Variants in TTYH1 observed in about 807,000 individuals in gnomAD.
The protein encoded by TTYH1 is tweety family member 1, also known as protein tweety homolog 1.
TTYH1 carries 33 observed loss-of-function variants against 61.2 expected under a neutral mutation model. The ratio of observed to expected loss-of-function variants is 0.54; its 90% CI spans 0.41 to 0.72. The LOEUF is 0.72. Ranked by LOEUF, TTYH1 falls within the 30% of genes least tolerant of loss-of-function variation. The probability of loss-of-function intolerance (pLI) is 0.00; values close to 1 mark genes in which losing one functional copy is unlikely to be tolerated. For missense variants in TTYH1, 538 were observed against 575.8 expected (o/e 0.93, Z 0.67); for synonymous variants, 308 against 266.4 (o/e 1.16, Z -1.52).
At chr19:54,424,735 C>A (rs950723682) in intron 4 of TTYH1, among the ~76,000 whole-genome samples, 6 of 152,188 alleles carry the variant, frequency 3.9e-5, no homozygotes, top group Non-Finnish European at 8.8e-5. Context: ...AAATCAGGGG[C>A]CTCCAAGGGA....
At position 54,416,651 on chromosome 19, in the gene TTYH1, A is replaced by C; in HGVS notation, c.126+973A>C. ...GCTCAGGGGGCGTGGAGGGGGTCCC[A>C]GAAAAGCGCGGAGGGGATGAGTGCT... On this transcript the variant is annotated intron_variant, in intron 1 of 13. Coordinates refer to ENST00000376530, the MANE Select transcript of TTYH1 (RefSeq NM_020659.4). The surrounding 1 kb of genome is among the most constrained non-coding windows in gnomAD (Gnocchi z 7.0). The C allele has an allele frequency of 1.1e-6, 1 of 944,306 alleles. No individual in the cohort carries two copies. The highest frequency in any genetic ancestry group is 1.4e-6 in the Non-Finnish European group (1 of 704,602). The allele number at this position is 944,306 out of a possible 1,614,324, so 58.5% of individuals were successfully genotyped here. A position where few individuals can be genotyped will look rare whatever the true frequency, so the allele number is the denominator to read the frequency against.
intron 1 of TTYH1, among the ~76,000 whole-genome samples, chr19:54,417,483 T>C (rs565157627): frequency 1.3e-4 from 20 of 151,958 alleles, no homozygotes; most frequent in South Asian, 4.1e-4. Context: ...CACACGCATA[T>C]AGACACATGC....
intron 4 of TTYH1, among the ~76,000 whole-genome samples, chr19:54,425,715 T>A (rs1003152918): frequency 1.4e-5 from 2 of 146,524 alleles, no homozygotes; most frequent in African/African-American, 5.3e-5. Context: ...GGATTAACTT[T>A]TTTTTTTTTT....
Position 54,416,879 on chromosome 19 carries a change from T to C in TTYH1, c.126+1201T>C, listed in dbSNP as rs1273859525. ...TCACGCCCGCTCTGGCCCGGAGACC[T>C]CCCGAAGCCGCACGCGGGGATCCGC... On this transcript the variant is annotated intron_variant, in intron 1 of 13. Coordinates refer to ENST00000376530, the MANE Select transcript of TTYH1 (RefSeq NM_020659.4). This position sits in a 1 kb window ranked among gnomAD's most constrained non-coding sequence, Gnocchi z 7.0. The C allele has an allele frequency of 1.6e-6, 2 of 1,289,580 alleles. No individual in the cohort carries two copies. The highest frequency in any genetic ancestry group is 2.5e-5 in the South Asian group (2 of 80,900). 79.9% of individuals were successfully genotyped at this position (1,289,580 alleles called of 1,614,324 possible). A position where few individuals can be genotyped will look rare whatever the true frequency, so the allele number is the denominator to read the frequency against.
In TTYH1 at chr19:54,420,082, G is replaced by A. The variant is rs1235082144; in HGVS notation, c.305+776G>A. On this transcript the variant is annotated intron_variant, in intron 2 of 13. Coordinates refer to ENST00000376530, the MANE Select transcript of TTYH1 (RefSeq NM_020659.4). This position sits in a 1 kb window ranked among gnomAD's most constrained non-coding sequence, Gnocchi z 4.8. The stretch of plus-strand genomic sequence containing the variant: ...AGGCAGCACAGAGATTCAGACCCAG[G>A]TTAGTAGGACCCCCTCACACCCCTC... Among the ~76,000 whole-genome samples, 1 of 152,086 alleles carries A rather than the reference G, an allele frequency of 6.6e-6. No homozygotes were observed. Among genetic ancestry groups the A allele is most frequent in the African/African-American group, 2.4e-5 (1 of 41,390 alleles).
chr19:54,430,079 C>G, intron 7 of TTYH1, 122 bp downstream of exon 7: 1 of 844,766 alleles, frequency 1.2e-6, no homozygotes, highest in East Asian at 2.6e-5. Flanking sequence ...CAGGCGAGAC[C>G]CAGCCCTCTG....
chr19:54,419,383 T>C lies in TTYH1; in HGVS notation c.305+77T>C. 7.0e-7 allele frequency: 1 copy of C among 1,430,778 alleles called. No individual in the cohort carries two copies. Among genetic ancestry groups the C allele is most frequent in the Non-Finnish European group, 9.5e-7 (1 of 1,047,640 alleles). 88.6% of individuals were successfully genotyped at this position (1,430,778 alleles called of 1,614,324 possible). A position where few individuals can be genotyped will look rare whatever the true frequency, so the allele number is the denominator to read the frequency against. ...TTTGCTGGCCTTCCTGGGGGTGTCC[T>C]CCGGGGACATGGAGGAAGCAGACAG... On this transcript the variant is annotated intron_variant, in intron 2 of 13. Coordinates refer to ENST00000376530, the MANE Select transcript of TTYH1 (RefSeq NM_020659.4). The surrounding 1 kb of genome is among the most constrained non-coding windows in gnomAD (Gnocchi z 6.1).
Position 54,435,508 on chromosome 19 carries a change from G to C in TTYH1, c.1126-34G>C, listed in dbSNP as rs564883460. 11 of 1,560,426 alleles carry C rather than the reference G, an allele frequency of 7.0e-6. No homozygotes were observed. In the East Asian group the frequency reaches 2.5e-4, roughly 35 times the overall value. On this transcript the variant is annotated intron_variant, in intron 10 of 13. Coordinates refer to ENST00000376530, the MANE Select transcript of TTYH1 (RefSeq NM_020659.4). ...AGTGTGTGCCGATGGGGGAGGGGGTGGGGACGCATGGCCTGATGACGCCCT... is the reference window on the plus strand; with the variant it reads ...AGTGTGTGCCGATGGGGGAGGGGGTCGGGACGCATGGCCTGATGACGCCCT...
rs1488440970 is a variant in TTYH1, at chr19:54,420,379, G to C, written c.306-898G>C. Among the ~76,000 whole-genome samples the C allele has an allele frequency of 6.6e-6, 1 of 152,162 alleles. No homozygotes were observed. The highest frequency in any genetic ancestry group is 1.5e-5 in the Non-Finnish European group (1 of 68,006). On this transcript the variant is annotated intron_variant, in intron 2 of 13. Coordinates refer to ENST00000376530, the MANE Select transcript of TTYH1 (RefSeq NM_020659.4). This position sits in a 1 kb window ranked among gnomAD's most constrained non-coding sequence, Gnocchi z 4.8. ...AGGTGGACAAAGGCCCAGTGGGGGA[G>C]AGACACGGCCCCAGCCCCCGCAGCC... is the stretch of plus-strand genomic sequence containing the variant.
chr19:54,423,652 G>T (rs1467935547), intron 4 of TTYH1, among the ~76,000 whole-genome samples: 2 of 152,152 alleles, frequency 1.3e-5, no homozygotes, highest in Admixed American at 1.3e-4. Flanking sequence ...TGTTGAATTG[G>T]TTCGAGTTGT....
intron 9 of TTYH1, 86 bp from the exon 10 acceptor site, chr19:54,431,013 G>C: frequency 6.5e-7 from 1 of 1,529,354 alleles, no homozygotes. Flanking sequence ...CGGGGCCTTG[G>C]GTTGTGGGCG....
intron 4 of TTYH1, among the ~76,000 whole-genome samples, chr19:54,423,888 C>A (rs2083269334): frequency 6.6e-6 from 1 of 152,122 alleles, no homozygotes; most frequent in Non-Finnish European, 1.5e-5. Context: ...GGGGACCAGG[C>A]ACGGTGGTTC....
In TTYH1 at chr19:54,421,153, T is replaced by A; in HGVS notation, c.306-124T>A. On this transcript the variant is annotated intron_variant, in intron 2 of 13. Coordinates refer to ENST00000376530, the MANE Select transcript of TTYH1 (RefSeq NM_020659.4). This position sits in a 1 kb window ranked among gnomAD's most constrained non-coding sequence, Gnocchi z 4.8. ...GCCCTTTTCCCACGGGCTGGCCCAA[T>A]GAGGTGGGGCTGAGATGGGAGGGGT... The A allele has an allele frequency of 1.5e-6, 1 of 664,790 alleles. No individual in the cohort carries two copies. Among genetic ancestry groups the A allele is most frequent in the South Asian group, 1.7e-5 (1 of 58,462 alleles). The allele number at this position is 664,790 out of a possible 1,614,324, so 41.2% of individuals were successfully genotyped here.
rs577416690 is a variant in TTYH1 at position 54,430,660 on chromosome 19, T to A, written c.939+55T>A. On this transcript the variant is annotated intron_variant, in intron 8 of 13. Transcript: ENST00000376530. The stretch of plus-strand genomic sequence containing the variant: ...TTGAGGGAGCCAGAAATCTGGACTC[T>A]GAAGGGAGGGGGCGGGGCTGGGGCT... 2.5e-5 allele frequency: 37 copies of A among 1,474,098 alleles called. No homozygotes were observed. The African/African-American group carries it at 5.0e-4, about 20-fold the overall frequency. The allele number at this position is 1,474,098 out of a possible 1,614,324, so 91.3% of individuals were successfully genotyped here.
chr19:54,435,414 C>A, intron 10 of TTYH1, 128 bp from the exon 11 acceptor site: 1 of 1,196,004 alleles, frequency 8.4e-7, no homozygotes, highest in South Asian at 1.5e-5. Context: ...ACAGGGGAAA[C>A]TGAGGCACAG....
rs2083558107 is a variant in TTYH1 at position 54,436,597 on chromosome 19, G to A, written c.*307G>A. The A allele has an allele frequency of 8.4e-6, 5 of 593,220 alleles. 1 individual carries two copies. In the Admixed American group the frequency reaches 1.5e-4, roughly 17 times the overall value. The allele number at this position is 593,220 out of a possible 1,614,324, so 36.7% of individuals were successfully genotyped here. A position where few individuals can be genotyped will look rare whatever the true frequency, so the allele number is the denominator to read the frequency against. On this transcript the variant is annotated 3_prime_UTR_variant, in exon 14 of 14. Transcript: ENST00000376530. This position sits in a 1 kb window ranked among gnomAD's most constrained non-coding sequence, Gnocchi z 4.3. ...TTGGAGGGACTAAGCTGGGGGTGGG[G>A]GACATGAGTCCCCCTGCTGCCCCTG...
chr19:54,435,422 C>A, intron 10 of TTYH1, 120 bp from the exon 11 acceptor site: 1 of 1,250,524 alleles, frequency 8.0e-7, no homozygotes, highest in Non-Finnish European at 1.1e-6. Context: ...AACTGAGGCA[C>A]AGAGTGGTCA....
chr19:54,422,335 G>C lies in TTYH1; in HGVS notation c.563G>C (p.Gly188Ala). ...QAEAAAQQLQ[G>A]LAFWQGVPLS... ...GAGGCTGCGGCCCAGCAGCTGCAGG[G>C]GCTGGCCTTCTGGCAGGGAGTGCCC... Residue 188 changes from glycine (G) to alanine (A), a missense_variant, in exon 4 of 14, where the codon GGG becomes GCG. Transcript: ENST00000376530. 6.4e-7 allele frequency: 1 copy of C among 1,570,830 alleles called. No homozygotes were observed.
chr19:54,416,804 A>G lies in TTYH1; in HGVS notation c.126+1126A>G, dbSNP rs1283884331. On this transcript the variant is annotated intron_variant, in intron 1 of 13. Transcript: ENST00000376530. This position sits in a 1 kb window ranked among gnomAD's most constrained non-coding sequence, Gnocchi z 7.0. Reference sequence around the variant, plus strand: ...TCGCCCACAGCCTCGCGGTTACACAACGGCCACCTCCAACAACGCCGCTCC... The same window carrying G: ...TCGCCCACAGCCTCGCGGTTACACAGCGGCCACCTCCAACAACGCCGCTCC... The G allele has an allele frequency of 7.7e-7, 1 of 1,294,046 alleles. No individual in the cohort carries two copies. The highest frequency in any genetic ancestry group is 1.0e-6 in the Non-Finnish European group (1 of 988,698). The allele number at this position is 1,294,046 out of a possible 1,614,324, so 80.2% of individuals were successfully genotyped here.
Sources: allele counts gnomAD v4.1 joint callset (sites outside exome capture counted in the v4.1 genomes callset), GRCh38; gene constraint gnomAD v4.1.1; non-coding constraint Gnocchi (gnomAD v3.1); transcripts MANE v1.5; gene names NCBI Gene and HGNC (gene_info 2026-07-23, HGNC 2026-07-21).